Variants in ACOXL observed in about 807,000 individuals in gnomAD.
ACOXL encodes acyl-coenzyme A oxidase-like protein.
ACOXL carries 70 observed loss-of-function variants against 71.9 expected under a neutral mutation model. That is an observed-to-expected ratio of 0.97 (90% CI 0.80 to 1.19). The LOEUF (loss-of-function observed/expected upper bound fraction) is 1.19, where lower values mean the gene tolerates loss of function less well. Ranked by LOEUF, ACOXL falls within the 50% of genes most tolerant of loss-of-function variation. The pLI, the probability that ACOXL is intolerant of heterozygous loss-of-function variation, is 0.00. For missense variants in ACOXL, 703 were observed against 736.3 expected (o/e 0.95, Z 0.52); for synonymous variants, 253 against 281.6 (o/e 0.90, Z 1.02).
chr2:110,854,833 C>T (rs530030272), intron 10 of ACOXL, among the ~76,000 whole-genome samples: 4 of 152,284 alleles, frequency 2.6e-5, no homozygotes, highest in African/African-American at 9.6e-5. Context: ...GGCATGGGGT[C>T]AAGGATGCAG....
intron 12 of ACOXL, among the ~76,000 whole-genome samples, chr2:110,956,768 A>C (rs2061517068): frequency 6.6e-6 from 1 of 152,244 alleles, no homozygotes; most frequent in Admixed American, 6.5e-5. Context: ...CCTTTATTAA[A>C]TGTAATCATA....
chr2:111,046,953 G>A (rs1393718611), intron 15 of ACOXL, among the ~76,000 whole-genome samples: 1 of 152,192 alleles, frequency 6.6e-6, no homozygotes, highest in Non-Finnish European at 1.5e-5. Flanking sequence ...AGTGGTGGCA[G>A]CAGTGGGCAT....
chr2:111,048,488 A>G (rs555280468), intron 15 of ACOXL, among the ~76,000 whole-genome samples: 3 of 152,344 alleles, frequency 2.0e-5, no homozygotes, highest in African/African-American at 7.2e-5. Flanking sequence ...AACACAGCCT[A>G]CAGGAGGGCA....
chr2:110,918,510 A>G (rs1240513712), intron 11 of ACOXL, among the ~76,000 whole-genome samples: 8 of 152,238 alleles, frequency 5.3e-5, no homozygotes, highest in Non-Finnish European at 1.0e-4. Flanking sequence ...CTTCATGACT[A>G]AAACACCAAA....
chr2:110,862,816 G>A (rs997090467), intron 10 of ACOXL, among the ~76,000 whole-genome samples: 5 of 152,180 alleles, frequency 3.3e-5, no homozygotes, highest in African/African-American at 4.8e-5. Flanking sequence ...TGAAGGGGCC[G>A]TGGCCAATAT....
intron 10 of ACOXL, among the ~76,000 whole-genome samples, chr2:110,873,134 C>T (rs1464092173): frequency 3.3e-5 from 5 of 152,178 alleles, no homozygotes; most frequent in African/African-American, 4.8e-5. Flanking sequence ...AAGAGGGTGA[C>T]AAAACTGGGG....
chr2:111,034,778 T>C (rs2065431902), intron 15 of ACOXL, among the ~76,000 whole-genome samples: 1 of 152,212 alleles, frequency 6.6e-6, no homozygotes, highest in African/African-American at 2.4e-5. Context: ...CATGTTACCC[T>C]CTGGCAGAGG....
chr2:111,043,213 G>A (rs548685064), intron 15 of ACOXL, among the ~76,000 whole-genome samples: 3 of 152,128 alleles, frequency 2.0e-5, no homozygotes, highest in Admixed American at 6.5e-5. Flanking sequence ...TCACCCTCTC[G>A]TGGAGGTCCC....
At chr2:110,856,992 C>T (rs748172284) in intron 10 of ACOXL, among the ~76,000 whole-genome samples, 2 of 152,186 alleles carry the variant, frequency 1.3e-5, no homozygotes, top group African/African-American at 2.4e-5. Context: ...ACAGTTATTT[C>T]GTATCAGGTA....
At chr2:111,089,169 G>C (rs753174642) in intron 16 of ACOXL, among the ~76,000 whole-genome samples, 4 of 152,136 alleles carry the variant, frequency 2.6e-5, no homozygotes, top group Non-Finnish European at 4.4e-5. Context: ...GCATGGTGGC[G>C]TGAGCATGTA....
At chr2:110,757,956 A>C (rs1679913423) in intron 1 of ACOXL, among the ~76,000 whole-genome samples, 1 of 152,084 alleles carries the variant, frequency 6.6e-6, no homozygotes, top group African/African-American at 2.4e-5. Context: ...TTCATTATAA[A>C]ATCTTTGCCC....
chr2:111,060,041 G>T (rs77027334), intron 16 of ACOXL, among the ~76,000 whole-genome samples: 1 of 152,252 alleles, frequency 6.6e-6, no homozygotes, highest in East Asian at 1.9e-4. Flanking sequence ...AGGCCCAGTG[G>T]GGAGTGCAGA....
intron 10 of ACOXL, among the ~76,000 whole-genome samples, chr2:110,908,477 A>T (rs1014700585): frequency 6.6e-6 from 1 of 152,222 alleles, no homozygotes; most frequent in Non-Finnish European, 1.5e-5. Flanking sequence ...ATTAATGATC[A>T]TGGGGCACTT....
At chr2:110,801,094 T>C (rs954809139) in intron 7 of ACOXL, among the ~76,000 whole-genome samples, 2 of 152,204 alleles carry the variant, frequency 1.3e-5, no homozygotes, top group African/African-American at 4.8e-5. Context: ...TTAGGAAATG[T>C]GTCTGCCAGA....
In ACOXL at chr2:111,118,099, A is replaced by C; in HGVS notation, c.*283A>C. ...TCCCAACTTCAGTGCCGGATCCCCTAGACAATCAGGGTGGGCTCCCCGCTG... is the reference window on the plus strand; with the variant it reads ...TCCCAACTTCAGTGCCGGATCCCCTCGACAATCAGGGTGGGCTCCCCGCTG... On this transcript the variant is annotated 3_prime_UTR_variant, in exon 18 of 18. Transcript: ENST00000439055. 1 of 537,300 alleles carries C rather than the reference A, an allele frequency of 1.9e-6. No homozygotes were observed. The highest frequency in any genetic ancestry group is 3.3e-6 in the Non-Finnish European group (1 of 301,802). 33.3% of individuals were successfully genotyped at this position (537,300 alleles called of 1,614,324 possible).
intron 1 of ACOXL, among the ~76,000 whole-genome samples, chr2:110,748,097 G>C (rs984133907): frequency 6.6e-6 from 1 of 152,108 alleles, no homozygotes; most frequent in Non-Finnish European, 1.5e-5. Context: ...GCCACGTGGG[G>C]CTTAGTGATA....
In ACOXL at chr2:111,034,952, C is replaced by G. The variant is rs12619653; in HGVS notation, c.1369+3238C>G. Reference sequence around the variant, plus strand: ...TTTTTTTTTTTGACGGAGTCTCGCTCTGTCGCCCAGGCTGGAGTGTAGTGG... The same window carrying G: ...TTTTTTTTTTTGACGGAGTCTCGCTGTGTCGCCCAGGCTGGAGTGTAGTGG... On this transcript the variant is annotated intron_variant, in intron 15 of 17. Coordinates refer to ENST00000439055, the MANE Select transcript of ACOXL (RefSeq NM_001142807.4). Among the ~76,000 whole-genome samples the G allele has an allele frequency of 1.8e-3, 276 of 150,156 alleles. 7 individuals are homozygous for G. In the East Asian group the frequency reaches 0.044, roughly 24 times the overall value.
Position 111,092,973 on chromosome 2 carries a change from TC to T in ACOXL, c.1542+10del. ...CACGAGGATCAGGAATCAGGTAAGG[TC>T]CCTGGGGTACAGAAAAACACTTTGT... On this transcript the variant is annotated splice_region_variant and intron_variant, in intron 17 of 17. Coordinates refer to ENST00000439055, the MANE Select transcript of ACOXL (RefSeq NM_001142807.4). 6.2e-7 allele frequency: 1 copy of T among 1,611,936 alleles called. No homozygotes were observed. Among genetic ancestry groups the T allele is most frequent in the Non-Finnish European group, 8.5e-7 (1 of 1,178,382 alleles).
intron 10 of ACOXL, among the ~76,000 whole-genome samples, chr2:110,849,316 AT>A (rs1374260412): frequency 6.6e-6 from 1 of 152,220 alleles, no homozygotes; most frequent in East Asian, 1.9e-4. Context: ...CTTGAATGAT[AT>A]CCCCCTGGAA....
Sources: gnomAD v4.1 joint callset for allele counts (sites outside exome capture counted in the v4.1 genomes callset) on GRCh38, gnomAD v4.1.1 for gene constraint, MANE v1.5 for transcripts, NCBI Gene and HGNC (gene_info 2026-07-23, HGNC 2026-07-21) for gene names.